Variants in BORCS5 observed in about 807,000 individuals in gnomAD.
The protein encoded by BORCS5 is BLOC-1-related complex subunit 5.
Under a neutral mutation model 22.1 loss-of-function variants are expected in BORCS5, and 17 were observed. The observed-to-expected ratio is 0.77, with a 90% confidence interval of 0.53 to 1.15. The LOEUF (loss-of-function observed/expected upper bound fraction) is 1.15, where lower values mean the gene tolerates loss of function less well. Among genes scored for constraint, BORCS5 ranks in the 50% most tolerant of loss-of-function variants. BORCS5 has a pLI of 0.00. For synonymous variants in BORCS5, 117 were observed against 99.8 expected, an observed-to-expected ratio of 1.17 and a Z score of -1.03; for missense variants, 247 against 253.2, an observed-to-expected ratio of 0.98 and a Z score of 0.17.
intron 2 of BORCS5, among the ~76,000 whole-genome samples, chr12:12,388,261 C>T (rs1240549447): frequency 2.0e-5 from 3 of 151,150 alleles, no homozygotes; most frequent in Admixed American, 6.6e-5. Context: ...AGACTTTAAA[C>T]CACATCCTAA....
chr12:12,455,577 C>T (rs1942983496), intron 3 of BORCS5, among the ~76,000 whole-genome samples: 1 of 152,000 alleles, frequency 6.6e-6, no homozygotes. Context: ...GTTAGGAGTT[C>T]GAGACCACCT....
At chr12:12,430,223 T>C (rs1012006789) in intron 2 of BORCS5, among the ~76,000 whole-genome samples, 6 of 137,188 alleles carry the variant, frequency 4.4e-5, no homozygotes, top group African/African-American at 1.7e-4. Flanking sequence ...AGATCTCGGC[T>C]CACTGCAAGC....
At chr12:12,433,999 G>A (rs566905349) in intron 2 of BORCS5, among the ~76,000 whole-genome samples, 56 of 152,148 alleles carry the variant, frequency 3.7e-4, no homozygotes, top group African/African-American at 1.3e-3. Context: ...GGTGGTTGGG[G>A]TCGGTGAGGA....
chr12:12,391,196 A>G (rs1392092655), intron 2 of BORCS5, among the ~76,000 whole-genome samples: 2 of 152,076 alleles, frequency 1.3e-5, no homozygotes, highest in African/African-American at 4.8e-5. Flanking sequence ...CTTGGCCTCA[A>G]CCTTACTCAA....
chr12:12,423,293 A>G (rs998723474), intron 2 of BORCS5, among the ~76,000 whole-genome samples: 2 of 152,002 alleles, frequency 1.3e-5, no homozygotes, highest in African/African-American at 4.8e-5. Flanking sequence ...TGAACAGTAC[A>G]TGGGCTTTTA....
At chr12:12,431,403 CTTT>C (rs386375632) in intron 2 of BORCS5, among the ~76,000 whole-genome samples, 3 of 121,092 alleles carry the variant, frequency 2.5e-5, no homozygotes, top group South Asian at 2.6e-4. Context: ...TTTGCTAATT[CTTT>C]TTTTTTTTTT....
intron 2 of BORCS5, among the ~76,000 whole-genome samples, chr12:12,404,685 T>G (rs1238260226): frequency 6.6e-6 from 1 of 152,176 alleles, no homozygotes; most frequent in African/African-American, 2.4e-5. Context: ...GGAGAACTAC[T>G]TTTTTGTTTT....
rs183092960 is a variant in BORCS5 at position 12,456,266 on chromosome 12, C to T, written c.361-9280C>T. On this transcript the variant is annotated intron_variant, in intron 3 of 3. Transcript: ENST00000314565. ...AGGGCATCATCTTGAGACCCCATCT[C>T]CACAAAAAATAAAAATTAGCCAGGC... Among the ~76,000 whole-genome samples the T allele has an allele frequency of 2.2e-3, 331 of 152,082 alleles. 3 individuals are homozygous for T. Among genetic ancestry groups the T allele is most frequent in the African/African-American group, 6.9e-3 (288 of 41,456 alleles).
At chr12:12,375,534 C>G (rs1311930281) in intron 2 of BORCS5, among the ~76,000 whole-genome samples, 2 of 152,200 alleles carry the variant, frequency 1.3e-5, no homozygotes, top group Non-Finnish European at 2.9e-5. Flanking sequence ...ATGGGAAGCT[C>G]TCTTGATTCC....
At chr12:12,375,430 C>G (rs893612103) in intron 2 of BORCS5, among the ~76,000 whole-genome samples, 1 of 152,156 alleles carries the variant, frequency 6.6e-6, no homozygotes, top group Non-Finnish European at 1.5e-5. Context: ...TTGAGACCAG[C>G]CTGGGCAACA....
Position 12,357,105 on chromosome 12 carries a change from C to T in BORCS5, c.-347C>T, listed in dbSNP as rs1863152508. The T allele has an allele frequency of 6.5e-7, 1 of 1,534,440 alleles. No individual in the cohort carries two copies. Among genetic ancestry groups the T allele is most frequent in the Non-Finnish European group, 8.7e-7 (1 of 1,146,028 alleles). On this transcript the variant is annotated 5_prime_UTR_variant, in exon 1 of 4. Transcript: ENST00000314565. ...CTGCGTCCCGGAAGGAGCGAGCTTG[C>T]GGAGCGTGAACCAGTGAGTGAAAGC...
intron 2 of BORCS5, among the ~76,000 whole-genome samples, chr12:12,417,552 A>T (rs916177963): frequency 2.0e-5 from 3 of 152,074 alleles, no homozygotes; most frequent in Non-Finnish European, 4.4e-5. Flanking sequence ...TGTGAGTGGG[A>T]TATTGAGACT....
At chr12:12,414,793 C>T (rs1371191930) in intron 2 of BORCS5, among the ~76,000 whole-genome samples, 5 of 137,434 alleles carry the variant, frequency 3.6e-5, no homozygotes, top group Non-Finnish European at 6.3e-5. Context: ...ACTTCTCAGA[C>T]GGGGCGGTTG....
At chr12:12,374,663 G>T (rs1592062587) in intron 2 of BORCS5, among the ~76,000 whole-genome samples, 1 of 150,690 alleles carries the variant, frequency 6.6e-6, no homozygotes, top group East Asian at 2.0e-4. Context: ...ATGCCAAAAA[G>T]AATTCTTAAC....
rs150054372 is a variant in BORCS5, at chr12:12,386,197, C to T, written c.202+24848C>T. Among the ~76,000 whole-genome samples, 91 of 150,956 alleles carry T rather than the reference C, an allele frequency of 6.0e-4. 3 individuals carry two copies. Among genetic ancestry groups the T allele is most frequent in the African/African-American group, 1.6e-3 (65 of 41,034 alleles). On this transcript the variant is annotated intron_variant, in intron 2 of 3. Coordinates refer to ENST00000314565, the MANE Select transcript of BORCS5 (RefSeq NM_058169.6). The stretch of plus-strand genomic sequence containing the variant: ...TGTATTTTTAGTAGAGACAGCATTT[C>T]GCCACGTTGGCTAGGCTGGTCATGG...
At chr12:12,403,051 TAAC>T (rs967843330) in intron 2 of BORCS5, among the ~76,000 whole-genome samples, 2 of 152,048 alleles carry the variant, frequency 1.3e-5, no homozygotes, top group Non-Finnish European at 2.9e-5. Context: ...TCGTTAATAA[TAAC>T]CACATTTCCC....
At chr12:12,359,709 G>C (rs970266861) in intron 1 of BORCS5, among the ~76,000 whole-genome samples, 2 of 151,036 alleles carry the variant, frequency 1.3e-5, no homozygotes, top group South Asian at 4.2e-4. Flanking sequence ...CTGAAGCCTC[G>C]GGAATAGGCC....
intron 2 of BORCS5, among the ~76,000 whole-genome samples, chr12:12,387,687 T>G (rs748222307): frequency 6.6e-6 from 1 of 151,466 alleles, no homozygotes; most frequent in Non-Finnish European, 1.5e-5. Context: ...GGCAGCCACA[T>G]GCACTTGAGT....
chr12:12,445,108 A>G (rs1038679534), intron 3 of BORCS5, among the ~76,000 whole-genome samples: 3 of 152,114 alleles, frequency 2.0e-5, no homozygotes, highest in East Asian at 1.9e-4. Context: ...CAATACCACA[A>G]TCATAGCTTC....
Sources: allele counts gnomAD v4.1 joint callset (sites outside exome capture counted in the v4.1 genomes callset), GRCh38; gene constraint gnomAD v4.1.1; transcripts MANE v1.5; gene names NCBI Gene and HGNC (gene_info 2026-07-23, HGNC 2026-07-21).